Variants in MACROD2 observed in about 807,000 individuals in gnomAD.
The protein encoded by MACROD2 is ADP-ribose glycohydrolase MACROD2.
In MACROD2, 36 loss-of-function variants were observed where a neutral mutation model predicts 70.4. The observed-to-expected ratio is 0.51, with a 90% CI of 0.39 to 0.68. The LOEUF (loss-of-function observed/expected upper bound fraction) is 0.68, where lower values mean the gene tolerates loss of function less well. Among genes scored for constraint, MACROD2 ranks in the 30% least tolerant of loss-of-function variants. The pLI is 0.00. For synonymous variants in MACROD2, 172 were observed against 178.8 expected (o/e 0.96, Z 0.30); for missense variants, 496 against 538.4 (o/e 0.92, Z 0.78).
chr20:14,937,091 AGAAGGT>A (rs942154074), intron 5 of MACROD2, among the ~76,000 whole-genome samples: 1 of 152,128 alleles, frequency 6.6e-6, no homozygotes, highest in African/African-American at 2.4e-5. Flanking sequence ...TAGAGGTAGA[AGAAGGT>A]GGTCGGGACC....
intron 3 of MACROD2, among the ~76,000 whole-genome samples, chr20:14,220,916 G>T (rs1368030213): frequency 1.3e-5 from 2 of 152,118 alleles, no homozygotes; most frequent in African/African-American, 2.4e-5. Context: ...TTTTCAGAGG[G>T]TCTGTGGGTC....
chr20:15,997,477 GTTTTC>G (rs1482112032), intron 15 of MACROD2, among the ~76,000 whole-genome samples: 4 of 152,012 alleles, frequency 2.6e-5, no homozygotes, highest in African/African-American at 9.7e-5. Context: ...TAAATGGATA[GTTTTC>G]TTTATTTGAT....
At chr20:14,533,515 A>G (rs920898664) in intron 4 of MACROD2, among the ~76,000 whole-genome samples, 6 of 152,222 alleles carry the variant, frequency 3.9e-5, no homozygotes, top group Non-Finnish European at 7.3e-5. Context: ...TTTATGGTGG[A>G]CTAAGTGGTG....
chr20:15,128,131 A>G (rs1021749146), intron 5 of MACROD2, among the ~76,000 whole-genome samples: 5 of 151,994 alleles, frequency 3.3e-5, no homozygotes, highest in Non-Finnish European at 5.9e-5. Flanking sequence ...TCCAATTTTT[A>G]TTTCAAGGGT....
intron 3 of MACROD2, among the ~76,000 whole-genome samples, chr20:14,273,932 A>G (rs1454030024): frequency 5.9e-5 from 9 of 152,168 alleles, no homozygotes; most frequent in Non-Finnish European, 1.0e-4. Context: ...ACACCCTCCC[A>G]AGACTAAACC....
chr20:14,738,130 T>A (rs1006626831), intron 5 of MACROD2, among the ~76,000 whole-genome samples: 5 of 151,446 alleles, frequency 3.3e-5, no homozygotes, highest in Admixed American at 1.3e-4. Context: ...AATTTGAGAA[T>A]GAAAATGGTT....
At chr20:15,554,723 G>C (rs1190161435) in intron 8 of MACROD2, among the ~76,000 whole-genome samples, 1 of 152,168 alleles carries the variant, frequency 6.6e-6, no homozygotes, top group Non-Finnish European at 1.5e-5. Flanking sequence ...ATGTGAGGAA[G>C]GGTAGGAAGG....
In MACROD2 at chr20:15,582,947, G is replaced by A. The variant is rs181363988; in HGVS notation, c.645+83100G>A. On this transcript the variant is annotated intron_variant, in intron 8 of 17. Transcript: ENST00000684519. ...AGTTCTGGCAATTGAAAATGGCCTC[G>A]GCTCTCACCTGACTTCCCCTGCAAT... 2.6e-4 allele frequency among the ~76,000 whole-genome samples: 40 copies of A among 152,172 alleles called. 1 individual carries two copies. The East Asian group carries it at 6.9e-3, about 26-fold the overall frequency.
Position 14,002,349 on chromosome 20 carries a change from C to G in MACROD2, c.108C>G (p.Pro36=), listed in dbSNP as rs770733009. The G allele has an allele frequency of 6.2e-7, 1 of 1,610,316 alleles. No individual in the cohort carries two copies. Among genetic ancestry groups the G allele is most frequent in the Non-Finnish European group, 8.5e-7 (1 of 1,178,444 alleles). ...AAGAATACCTAAGAGACTATATTCC[C>G]CTGAACAGCATTCTATCATGGAAGG... is the stretch of plus-strand genomic sequence containing the variant. ...RRKEYLRDYI[P]LNSILSWKEE... The change falls in exon 2 of 18, where the codon CCC becomes CCG. Residue 36 remains proline, a synonymous_variant. Coordinates refer to ENST00000684519, the MANE Select transcript of MACROD2 (RefSeq NM_001351661.2).
In MACROD2 at chr20:15,937,189, A is replaced by G. The variant is rs187610689; in HGVS notation, c.839-287A>G. ...ATAATATACCATCCTTTGAGGGATG[A>G]GGAAGAAACAAAATGCCAAAGGATA... On this transcript the variant is annotated intron_variant, in intron 11 of 17. Coordinates refer to ENST00000684519, the MANE Select transcript of MACROD2 (RefSeq NM_001351661.2). Among the ~76,000 whole-genome samples the G allele has an allele frequency of 1.2e-4, 18 of 152,348 alleles. No homozygotes were observed. In the East Asian group the frequency reaches 2.1e-3, roughly 18 times the overall value.
At chr20:14,086,356 C>T (rs1023993105) in intron 3 of MACROD2, 12 of 209,658 alleles carry the variant, frequency 5.7e-5, no homozygotes, top group South Asian at 3.4e-4. Flanking sequence ...ATATAACAGC[C>T]GTGATTCTAC....
chr20:14,683,098 C>A (rs572734129), intron 4 of MACROD2, among the ~76,000 whole-genome samples: 1 of 152,052 alleles, frequency 6.6e-6, no homozygotes, highest in Admixed American at 6.6e-5. Context: ...AGGCTGGTCT[C>A]GAACATCTGA....
intron 3 of MACROD2, among the ~76,000 whole-genome samples, chr20:14,373,217 A>G (rs770096001): frequency 4.6e-5 from 7 of 152,158 alleles, no homozygotes; most frequent in Non-Finnish European, 1.0e-4. Flanking sequence ...AAAAAAATAC[A>G]GAGGAAATAT....
chr20:15,331,848 T>A (rs959428204), intron 6 of MACROD2, among the ~76,000 whole-genome samples: 1 of 151,480 alleles, frequency 6.6e-6, no homozygotes, highest in African/African-American at 2.4e-5. Flanking sequence ...TCTAGGGTAA[T>A]TTTCAGATGG....
intron 4 of MACROD2, among the ~76,000 whole-genome samples, chr20:14,520,177 G>A (rs1438895793): frequency 2.0e-5 from 3 of 152,088 alleles, no homozygotes; most frequent in East Asian, 1.9e-4. Flanking sequence ...GAGTTTACAT[G>A]TATAGCAAAC....
intron 2 of MACROD2, among the ~76,000 whole-genome samples, chr20:14,028,196 C>T (rs1025038489): frequency 2.6e-5 from 4 of 152,174 alleles, no homozygotes; most frequent in Admixed American, 6.5e-5. Context: ...AAGTTCCTGG[C>T]GCTTTGTTTA....
intron 6 of MACROD2, among the ~76,000 whole-genome samples, chr20:15,327,009 T>C (rs2077937224): frequency 6.6e-6 from 1 of 152,090 alleles, no homozygotes; most frequent in African/African-American, 2.4e-5. Flanking sequence ...AAAATACAGA[T>C]TAATAAGAGA....
intron 4 of MACROD2, among the ~76,000 whole-genome samples, chr20:14,578,804 A>G (rs1980789060): frequency 1.3e-5 from 2 of 152,208 alleles, no homozygotes; most frequent in African/African-American, 4.8e-5. Context: ...CAGATAATTC[A>G]CTGTAGATGG....
intron 4 of MACROD2, among the ~76,000 whole-genome samples, chr20:14,659,417 G>T (rs1049305208): frequency 6.6e-6 from 1 of 152,016 alleles, no homozygotes; most frequent in Non-Finnish European, 1.5e-5. Flanking sequence ...CACCTGCTGG[G>T]GACAGACACT....
Sources: allele counts gnomAD v4.1 joint callset (sites outside exome capture counted in the v4.1 genomes callset), GRCh38; gene constraint gnomAD v4.1.1; transcripts MANE v1.5; gene names NCBI Gene and HGNC (gene_info 2026-07-23, HGNC 2026-07-21).